The following GRIA1 variants were observed in gnomAD, a reference collection of about 807,000 sequenced individuals.
GRIA1 encodes glutamate receptor 1.
In GRIA1, 31 loss-of-function variants were observed where a neutral mutation model predicts 99.2. The observed-to-expected ratio is 0.31, with a 90% CI of 0.23 to 0.42. The LOEUF (loss-of-function observed/expected upper bound fraction) is 0.42. Among genes scored for constraint, GRIA1 ranks in the 10% least tolerant of loss-of-function variants. The pLI, the probability that GRIA1 is intolerant of heterozygous loss-of-function variation, is 1.00. For synonymous variants in GRIA1, 438 were observed against 432.4 expected, an observed-to-expected ratio of 1.01 and a Z score of -0.16; for missense variants, 782 against 1,157.5, an observed-to-expected ratio of 0.68 and a Z score of 4.71.
chr5:153,706,132 G>GTTTTTTTTTTTT (rs749421031), intron 11 of GRIA1, 65 bp downstream of exon 11: 3 of 1,477,618 alleles, frequency 2.0e-6, no homozygotes, highest in African/African-American at 2.8e-5. Flanking sequence ...TTGTTTGTTT[G>GTTTTTTTTTTTT]TTTTTTAAAT....
In GRIA1 at chr5:153,607,042, G is replaced by GATATATATATATATAT. The variant is rs59233877; in HGVS notation, c.221-39874_221-39859dup. On this transcript the variant is annotated intron_variant, in intron 2 of 15. Coordinates refer to ENST00000285900, the MANE Select transcript of GRIA1 (RefSeq NM_000827.4). ...AGAATGATATAAACATATCACAAAA[G>GATATATATATATATAT]ATATATATATATATATATATATATA... Among the ~76,000 whole-genome samples, 140 of 127,748 alleles carry GATATATATATATATAT rather than the reference G, an allele frequency of 1.1e-3. 1 individual carries two copies. Among genetic ancestry groups the GATATATATATATATAT allele is most frequent in the African/African-American group, 2.2e-3 (77 of 34,644 alleles). 83.8% of individuals were successfully genotyped at this position (127,748 alleles called of 152,430 possible).
At chr5:153,552,860 A>G (rs2113551103) in intron 2 of GRIA1, among the ~76,000 whole-genome samples, 1 of 152,342 alleles carries the variant, frequency 6.6e-6, no homozygotes, top group South Asian at 2.1e-4. Context: ...AGATGTCAAA[A>G]TGAAGCTTTC....
At chr5:153,524,347 G>A (rs1383166156) in intron 2 of GRIA1, among the ~76,000 whole-genome samples, 1 of 152,092 alleles carries the variant, frequency 6.6e-6, no homozygotes, top group Non-Finnish European at 1.5e-5. Flanking sequence ...AGAATTCTTG[G>A]CACAGAGTCT....
intron 11 of GRIA1, among the ~76,000 whole-genome samples, chr5:153,732,717 T>C (rs1761126454): frequency 6.6e-6 from 1 of 152,094 alleles, no homozygotes. Flanking sequence ...ATGGAAACTT[T>C]TTAGTTTGAT....
chr5:153,608,951 A>G (rs568081609), intron 2 of GRIA1, among the ~76,000 whole-genome samples: 47 of 152,260 alleles, frequency 3.1e-4, no homozygotes, highest in African/African-American at 1.0e-3. Context: ...AGGGATTGAG[A>G]TGATTTGAAG....
intron 13 of GRIA1, among the ~76,000 whole-genome samples, chr5:153,771,384 A>T (rs1307788183): frequency 2.0e-5 from 3 of 152,184 alleles, no homozygotes; most frequent in Non-Finnish European, 2.9e-5. Flanking sequence ...ACCCATCTGG[A>T]TATGACATCT....
chr5:153,800,969 G>A (rs1415503423), intron 14 of GRIA1, among the ~76,000 whole-genome samples: 1 of 152,246 alleles, frequency 6.6e-6, no homozygotes, highest in Non-Finnish European at 1.5e-5. Context: ...ACGATGGTGT[G>A]TACCTGTGCC....
Position 153,754,666 on chromosome 5 carries a change from C to A in GRIA1, c.1824-9768C>A, listed in dbSNP as rs562391081. ...CTTGGTTTGATGCCATGACTCCAGA[C>A]ACTTTGGACCATAAGCAGTTTTGGA... On this transcript the variant is annotated intron_variant, in intron 11 of 15. Coordinates refer to ENST00000285900, the MANE Select transcript of GRIA1 (RefSeq NM_000827.4). Among the ~76,000 whole-genome samples, 7 of 152,302 alleles carry A rather than the reference C, an allele frequency of 4.6e-5. No individual in the cohort carries two copies. The South Asian group carries it at 1.0e-3, about 23-fold the overall frequency.
intron 2 of GRIA1, among the ~76,000 whole-genome samples, chr5:153,568,345 T>G (rs1178001015): frequency 6.6e-6 from 1 of 152,186 alleles, no homozygotes; most frequent in Admixed American, 6.5e-5. Flanking sequence ...GGAAACTTGT[T>G]AGAAATGCAG....
At position 153,798,000 on chromosome 5, in the gene GRIA1, G is replaced by C. The variant is rs563100466; in HGVS notation, c.2385+3265G>C. 3.9e-5 allele frequency among the ~76,000 whole-genome samples: 6 copies of C among 152,264 alleles called. No homozygotes were observed. In the South Asian group the frequency reaches 8.3e-4, roughly 21 times the overall value. ...CCCAGACCCTCTAGAAACTCCTTAG[G>C]TGCCTCAAATGTTTTGGGGGTGGGG... On this transcript the variant is annotated intron_variant, in intron 14 of 15. Coordinates refer to ENST00000285900, the MANE Select transcript of GRIA1 (RefSeq NM_000827.4).
At chr5:153,741,308 T>C (rs972003276) in intron 11 of GRIA1, among the ~76,000 whole-genome samples, 1 of 152,116 alleles carries the variant, frequency 6.6e-6, no homozygotes, top group African/African-American at 2.4e-5. Flanking sequence ...TGAGTGAGAA[T>C]GAAAAATGGT....
intron 2 of GRIA1, among the ~76,000 whole-genome samples, chr5:153,554,660 A>T (rs896105927): frequency 6.6e-6 from 1 of 152,088 alleles, no homozygotes; most frequent in Non-Finnish European, 1.5e-5. Flanking sequence ...TGCCAGGCTA[A>T]TTTTTATATT....
At chr5:153,680,900 C>T (rs986203898) in intron 7 of GRIA1, among the ~76,000 whole-genome samples, 4 of 152,124 alleles carry the variant, frequency 2.6e-5, no homozygotes, top group Admixed American at 1.3e-4. Context: ...ATCATCCAAA[C>T]GGGAACACTT....
chr5:153,708,489 A>C (rs1241550147), intron 11 of GRIA1, among the ~76,000 whole-genome samples: 1 of 152,042 alleles, frequency 6.6e-6, no homozygotes, highest in South Asian at 2.1e-4. Context: ...TCATAAAACA[A>C]CTCTACTCTA....
In GRIA1 at chr5:153,655,961, G is replaced by A. The variant is rs1441682521; in HGVS notation, c.699+89G>A. ...CTGTTGTCCCTGGCTGATGTGAACT[G>A]AGTAGGTGGAAGGGGCAATTCAGGG... On this transcript the variant is annotated intron_variant, in intron 5 of 15. Coordinates refer to ENST00000285900, the MANE Select transcript of GRIA1 (RefSeq NM_000827.4). 21 of 1,118,168 alleles carry A rather than the reference G, an allele frequency of 1.9e-5. 1 individual carries two copies. The highest frequency in any genetic ancestry group is 2.0e-4 in the Middle Eastern group (1 of 5,128). The allele number at this position is 1,118,168 out of a possible 1,614,324, so 69.3% of individuals were successfully genotyped here.
At chr5:153,659,055 G>C (rs1276107608) in intron 5 of GRIA1, among the ~76,000 whole-genome samples, 1 of 151,764 alleles carries the variant, frequency 6.6e-6, no homozygotes, top group East Asian at 1.9e-4. Context: ...TGTATTCTTG[G>C]ACAACTCTCC....
intron 2 of GRIA1, among the ~76,000 whole-genome samples, chr5:153,548,008 C>G (rs1035662969): frequency 6.6e-6 from 1 of 152,114 alleles, no homozygotes; most frequent in Non-Finnish European, 1.5e-5. Context: ...GTGACATTGT[C>G]TTTTGGTAAA....
intron 12 of GRIA1, among the ~76,000 whole-genome samples, chr5:153,768,812 C>A (rs982789636): frequency 1.3e-5 from 2 of 152,194 alleles, no homozygotes; most frequent in African/African-American, 2.4e-5. Flanking sequence ...ATGACTCTAG[C>A]AACAACTATT....
At chr5:153,755,197 T>C (rs1398154134) in intron 11 of GRIA1, among the ~76,000 whole-genome samples, 1 of 152,084 alleles carries the variant, frequency 6.6e-6, no homozygotes, top group Non-Finnish European at 1.5e-5. Flanking sequence ...TTATTCCAAG[T>C]GTTAAGAGAA....
Sources: allele counts gnomAD v4.1 joint callset (sites outside exome capture counted in the v4.1 genomes callset), GRCh38; gene constraint gnomAD v4.1.1; transcripts MANE v1.5; gene names NCBI Gene and HGNC (gene_info 2026-07-23, HGNC 2026-07-21).